The following LCORL variants were observed in gnomAD, a reference collection of about 807,000 sequenced individuals.
LCORL encodes ligand-dependent nuclear receptor corepressor-like protein.
LCORL carries 41 observed loss-of-function variants against 141.8 expected under a neutral mutation model. The ratio of observed to expected loss-of-function variants is 0.29; its 90% CI spans 0.23 to 0.38. LCORL has a LOEUF of 0.38. Among genes scored for constraint, LCORL ranks in the 10% least tolerant of loss-of-function variants. LCORL has a pLI of 1.00. For missense variants in LCORL, 1,759 were observed against 2,035.0 expected (o/e 0.86, Z 2.61); for synonymous variants, 618 against 694.1 (o/e 0.89, Z 1.72).
chr4:17,988,970 TGAGACTC>T (rs1719511358), intron 1 of LCORL, among the ~76,000 whole-genome samples: 1 of 152,098 alleles, frequency 6.6e-6, no homozygotes, highest in Non-Finnish European at 1.5e-5. Flanking sequence ...GGGGACAGAG[TGAGACTC>T]CATCTCAAAA....
At chr4:17,885,360 A>G (rs1037083733) in intron 6 of LCORL, among the ~76,000 whole-genome samples, 1 of 150,944 alleles carries the variant, frequency 6.6e-6, no homozygotes, top group African/African-American at 2.5e-5. Context: ...TAATTTTCAA[A>G]GTTTCTCAAA....
intron 1 of LCORL, among the ~76,000 whole-genome samples, chr4:18,007,900 A>G (rs1314196919): frequency 6.6e-6 from 1 of 152,156 alleles, no homozygotes; most frequent in Non-Finnish European, 1.5e-5. Context: ...CACAAATACT[A>G]AAAGGTTAAG....
At chr4:17,847,735 T>G (rs1723104798) in intron 7 of LCORL, among the ~76,000 whole-genome samples, 1 of 152,232 alleles carries the variant, frequency 6.6e-6, no homozygotes, top group South Asian at 2.1e-4. Context: ...ATTTTTGTTT[T>G]TCAAGTTAGC....
At chr4:17,988,507 C>G (rs1228665320) in intron 1 of LCORL, among the ~76,000 whole-genome samples, 2 of 152,174 alleles carry the variant, frequency 1.3e-5, no homozygotes, top group Non-Finnish European at 2.9e-5. Flanking sequence ...TCTTTTTAGA[C>G]TTTCCATTCA....
chr4:17,968,765 T>A (rs1391984108), intron 2 of LCORL, among the ~76,000 whole-genome samples: 1 of 152,182 alleles, frequency 6.6e-6, no homozygotes, highest in Admixed American at 6.5e-5. Flanking sequence ...AAAAATTAAA[T>A]TTGAATTTCA....
chr4:17,935,371 A>C (rs753819589), intron 4 of LCORL, among the ~76,000 whole-genome samples: 4 of 152,192 alleles, frequency 2.6e-5, no homozygotes, highest in Non-Finnish European at 4.4e-5. Context: ...GTTCCAAATG[A>C]ATTAATCAGT....
At chr4:17,945,833 T>C (rs906092209) in intron 4 of LCORL, among the ~76,000 whole-genome samples, 3 of 151,634 alleles carry the variant, frequency 2.0e-5, no homozygotes, top group African/African-American at 2.4e-5. Flanking sequence ...CTAGGCAAAA[T>C]AATTGTCACA....
intron 7 of LCORL, among the ~76,000 whole-genome samples, chr4:17,851,260 C>G (rs866122355): frequency 1.3e-5 from 2 of 151,630 alleles, no homozygotes; most frequent in Non-Finnish European, 1.5e-5. Context: ...CACATGTACC[C>G]TAAAACTTAA....
intron 6 of LCORL, chr4:17,883,253 T>C (rs1004223582): frequency 3.0e-6 from 3 of 985,780 alleles, no homozygotes; most frequent in African/African-American, 1.7e-5. Flanking sequence ...CTTTGATTGG[T>C]TGCTTGACAT....
chr4:17,950,419 A>G (rs1454977489), intron 4 of LCORL, among the ~76,000 whole-genome samples: 1 of 152,196 alleles, frequency 6.6e-6, no homozygotes, highest in Non-Finnish European at 1.5e-5. Flanking sequence ...GCCTATAGAC[A>G]AAGGACATAT....
intron 4 of LCORL, among the ~76,000 whole-genome samples, chr4:17,942,428 T>C (rs1470260677): frequency 6.6e-6 from 1 of 152,174 alleles, no homozygotes; most frequent in Non-Finnish European, 1.5e-5. Flanking sequence ...ATCTACTGAA[T>C]GAGCCATAAA....
intron 4 of LCORL, among the ~76,000 whole-genome samples, chr4:17,943,549 G>A (rs1447077188): frequency 6.6e-6 from 1 of 152,204 alleles, no homozygotes; most frequent in Non-Finnish European, 1.5e-5. Flanking sequence ...TTCAAAGGCT[G>A]GCAAGAATGA....
intron 4 of LCORL, among the ~76,000 whole-genome samples, chr4:17,929,973 T>C (rs536001883): frequency 1.3e-5 from 2 of 152,268 alleles, no homozygotes; most frequent in South Asian, 4.1e-4. Flanking sequence ...ACAAAGAAGA[T>C]GTTACTGATG....
At chr4:17,861,680 T>C (rs991805343) in intron 7 of LCORL, among the ~76,000 whole-genome samples, 1 of 152,186 alleles carries the variant, frequency 6.6e-6, no homozygotes, top group Non-Finnish European at 1.5e-5. Context: ...CTGCAAATTT[T>C]CCGAACTTTT....
At chr4:17,854,108 G>A (rs1307539452) in intron 7 of LCORL, among the ~76,000 whole-genome samples, 1 of 152,114 alleles carries the variant, frequency 6.6e-6, no homozygotes, top group African/African-American at 2.4e-5. Flanking sequence ...TTAGGGATAA[G>A]GATGTTGGTA....
intron 1 of LCORL, among the ~76,000 whole-genome samples, chr4:18,015,250 A>G (rs1036755005): frequency 6.6e-6 from 1 of 152,194 alleles, no homozygotes; most frequent in Admixed American, 6.5e-5. Flanking sequence ...GAAGCAGCGC[A>G]CCCATGTAGC....
At chr4:17,975,124 C>T (rs969766445) in intron 1 of LCORL, among the ~76,000 whole-genome samples, 107 of 151,780 alleles carry the variant, frequency 7.0e-4, no homozygotes, top group African/African-American at 2.6e-3. Context: ...TTTATTTTCA[C>T]TGAAACTTAT....
chr4:17,874,312 C>A, exon 7 of LCORL: 4 of 1,233,862 alleles, frequency 3.2e-6, no homozygotes, highest in Non-Finnish European at 4.0e-6. Flanking sequence ...GAAGAGAGTG[C>A]AAATTTTTTA....
chr4:17,972,847 G>C lies in LCORL; in HGVS notation c.193C>G (p.Leu65Val), dbSNP rs1280074118. The change falls in exon 2 of 8, where the codon CTA (leucine) becomes GTA (valine). Residue 65 changes from leucine to valine, a missense_variant. Transcript: ENST00000635767. The stretch of plus-strand genomic sequence containing the variant: ...TCAAATAAACTGAGGTCTCTTCGTA[G>C]CCGTGGTCCATAAAGCCCTTCTAAA... 6.3e-6 allele frequency: 9 copies of C among 1,439,118 alleles called. No individual in the cohort carries two copies. The highest frequency in any genetic ancestry group is 8.2e-6 in the Non-Finnish European group (9 of 1,096,486). The allele number at this position is 1,439,118 out of a possible 1,614,324, so 89.1% of individuals were successfully genotyped here.
Sources: gnomAD v4.1 joint callset for allele counts (sites outside exome capture counted in the v4.1 genomes callset) on GRCh38, gnomAD v4.1.1 for gene constraint, MANE v1.5 for transcripts, NCBI Gene and HGNC (gene_info 2026-07-23, HGNC 2026-07-21) for gene names.